The following KCNMA1 variants were observed in gnomAD, a reference collection of about 807,000 sequenced individuals.
The protein encoded by KCNMA1 is potassium calcium-activated channel subfamily M alpha 1.
Under a neutral mutation model 140.0 loss-of-function variants are expected in KCNMA1, and 29 were observed. The observed-to-expected ratio is 0.21, with a 90% confidence interval of 0.15 to 0.28. The LOEUF (loss-of-function observed/expected upper bound fraction) is 0.28. Ranked by LOEUF, KCNMA1 falls within the 10% of genes least tolerant of loss-of-function variation. The pLI is 1.00. For missense variants in KCNMA1, 880 were observed against 1,602.2 expected (o/e 0.55, Z 7.70); for synonymous variants, 612 against 611.9 (o/e 1.00, Z 0.00).
At chr10:77,179,908 A>G (rs1397408430) in intron 5 of KCNMA1, among the ~76,000 whole-genome samples, 1 of 152,194 alleles carries the variant, frequency 6.6e-6, no homozygotes, top group African/African-American at 2.4e-5. Flanking sequence ...TGTCTCTATG[A>G]GTACACCGTT....
chr10:77,081,578 G>T (rs558846142), intron 12 of KCNMA1, among the ~76,000 whole-genome samples: 5 of 152,168 alleles, frequency 3.3e-5, no homozygotes, highest in Non-Finnish European at 7.3e-5. Flanking sequence ...CAGCCAGGGA[G>T]CAGCTTTATC....
intron 1 of KCNMA1, among the ~76,000 whole-genome samples, chr10:77,458,552 A>G (rs1458324532): frequency 6.6e-6 from 1 of 152,248 alleles, no homozygotes; most frequent in East Asian, 1.9e-4. Context: ...TGCAAATTTA[A>G]TCATTTGAAA....
chr10:77,525,259 G>A (rs1485882921), intron 1 of KCNMA1, among the ~76,000 whole-genome samples: 2 of 152,136 alleles, frequency 1.3e-5, no homozygotes, highest in African/African-American at 4.8e-5. Context: ...GTAAGAATAT[G>A]AAAAAAGAGA....
Position 77,117,102 on chromosome 10 carries a change from C to T in KCNMA1, c.884+3871G>A, listed in dbSNP as rs141484429. On this transcript the variant is annotated intron_variant, in intron 6 of 27. Transcript: ENST00000286628. The stretch of plus-strand genomic sequence containing the variant: ...ACCATATTGGTTAGGTACACGATGA[C>T]TCATGCATATCATGGAATGCTATGT... Among the ~76,000 whole-genome samples, 379 of 152,276 alleles carry T rather than the reference C, an allele frequency of 2.5e-3. 3 individuals carry two copies. Among genetic ancestry groups the T allele is most frequent in the Non-Finnish European group, 1.7e-3 (119 of 68,034 alleles).
chr10:77,025,483 A>T, intron 16 of KCNMA1: 1 of 1,583,252 alleles, frequency 6.3e-7, no homozygotes, highest in Non-Finnish European at 8.6e-7. Context: ...AAAAGAATTT[A>T]AAATCAAACA....
intron 5 of KCNMA1, among the ~76,000 whole-genome samples, chr10:77,132,924 G>GT (rs1012317841): frequency 1.3e-5 from 2 of 152,126 alleles, no homozygotes; most frequent in African/African-American, 4.8e-5. Context: ...GACTGAGTAT[G>GT]TTTTAAATGA....
Position 77,597,323 on chromosome 10 carries a change from T to C in KCNMA1, c.378+39942A>G, listed in dbSNP as rs905494187. ...AAACGTAGTTATCAACAATGTATTG[T>C]ATATTTCTAATGCATATTTCAAAGT... On this transcript the variant is annotated intron_variant, in intron 1 of 27. Coordinates refer to ENST00000286628, the MANE Select transcript of KCNMA1 (RefSeq NM_001161352.2). 5.3e-5 allele frequency among the ~76,000 whole-genome samples: 8 copies of C among 152,272 alleles called. No individual in the cohort carries two copies. In the South Asian group the frequency reaches 1.7e-3, roughly 32 times the overall value.
At chr10:77,598,941 T>C (rs1477635187) in intron 1 of KCNMA1, among the ~76,000 whole-genome samples, 2 of 152,162 alleles carry the variant, frequency 1.3e-5, no homozygotes, top group Non-Finnish European at 2.9e-5. Context: ...GAAAGTAAGG[T>C]CTGAAGAAGG....
intron 6 of KCNMA1, 83 bp from the exon 7 acceptor site, chr10:77,112,525 C>T (rs919201591): frequency 1.6e-5 from 15 of 950,456 alleles, no homozygotes; most frequent in Non-Finnish European, 2.4e-5. Flanking sequence ...ACAGCACCCG[C>T]TTAGCAGGAG....
intron 19 of KCNMA1, among the ~76,000 whole-genome samples, chr10:76,992,578 G>A (rs1194940171): frequency 6.6e-6 from 1 of 152,150 alleles, no homozygotes; most frequent in Admixed American, 6.5e-5. Flanking sequence ...TGGTTGGCTT[G>A]GTGCATTTTG....
intron 3 of KCNMA1, among the ~76,000 whole-genome samples, chr10:77,217,956 T>C (rs2048338458): frequency 6.6e-6 from 1 of 152,186 alleles, no homozygotes; most frequent in African/African-American, 2.4e-5. Context: ...AAACTATCTA[T>C]GCCATTTATA....
chr10:77,468,141 G>A (rs2098073250), intron 1 of KCNMA1, among the ~76,000 whole-genome samples: 1 of 152,150 alleles, frequency 6.6e-6, no homozygotes, highest in Admixed American at 6.5e-5. Flanking sequence ...CCAAGTAGCT[G>A]GGACTACAGA....
intron 1 of KCNMA1, among the ~76,000 whole-genome samples, chr10:77,574,936 C>T (rs1287881927): frequency 6.6e-6 from 1 of 152,134 alleles, no homozygotes. Flanking sequence ...TTTCAGGAGG[C>T]CCCAGGGCCT....
intron 1 of KCNMA1, among the ~76,000 whole-genome samples, chr10:77,442,272 A>T (rs1322014083): frequency 6.6e-6 from 1 of 152,030 alleles, no homozygotes. Context: ...CTGGATCCAG[A>T]GCCAGGAGGT....
At chr10:76,927,157 A>G (rs551352784) in intron 23 of KCNMA1, among the ~76,000 whole-genome samples, 1 of 152,292 alleles carries the variant, frequency 6.6e-6, no homozygotes, top group Non-Finnish European at 1.5e-5. Context: ...AATCCAGAGG[A>G]TCTCCTTACA....
At chr10:77,480,832 G>A (rs983471696) in intron 1 of KCNMA1, among the ~76,000 whole-genome samples, 10 of 151,938 alleles carry the variant, frequency 6.6e-5, no homozygotes, top group Admixed American at 5.9e-4. Flanking sequence ...ACGTGCAGCC[G>A]GGCACGGTGG....
chr10:76,954,035 G>T, intron 20 of KCNMA1, 111 bp from the exon 21 acceptor site: 1 of 1,189,844 alleles, frequency 8.4e-7, no homozygotes, highest in Non-Finnish European at 1.2e-6. Context: ...GGAAGTGGTT[G>T]TCACTGAAGG....
intron 23 of KCNMA1, among the ~76,000 whole-genome samples, chr10:76,926,894 C>T (rs1400528681): frequency 6.6e-6 from 1 of 152,166 alleles, no homozygotes; most frequent in Non-Finnish European, 1.5e-5. Flanking sequence ...TCCAGGTACA[C>T]ATCATATCCT....
chr10:77,374,251 T>A (rs2094934134), intron 2 of KCNMA1, among the ~76,000 whole-genome samples: 2 of 152,154 alleles, frequency 1.3e-5, no homozygotes, highest in Non-Finnish European at 2.9e-5. Context: ...TACTCCAGCC[T>A]CCCTTCCCGA....
Sources: gnomAD v4.1 joint callset for allele counts (sites outside exome capture counted in the v4.1 genomes callset) on GRCh38, gnomAD v4.1.1 for gene constraint, MANE v1.5 for transcripts, NCBI Gene and HGNC (gene_info 2026-07-23, HGNC 2026-07-21) for gene names.